The following RIMS2 variants were observed in gnomAD, a reference collection of about 807,000 sequenced individuals.
The protein encoded by RIMS2 is regulating synaptic membrane exocytosis 2.
A neutral mutation model predicts 174.4 loss-of-function variants in RIMS2; 59 were observed. The observed-to-expected ratio is 0.34, with a 90% confidence interval of 0.27 to 0.42. The LOEUF (loss-of-function observed/expected upper bound fraction) is 0.42, where lower values mean the gene tolerates loss of function less well. RIMS2 is among the 10% of genes least tolerant of loss of function. The pLI is 1.00. For synonymous variants in RIMS2, 606 were observed against 572.5 expected (o/e 1.06, Z -0.84); for missense variants, 1,620 against 1,666.3 (o/e 0.97, Z 0.48).
At chr8:103,709,581 C>T (rs1231013050) in intron 2 of RIMS2, among the ~76,000 whole-genome samples, 2 of 152,168 alleles carry the variant, frequency 1.3e-5, no homozygotes, top group Middle Eastern at 6.3e-3. Flanking sequence ...AGAGGAAAGA[C>T]TGAGTCTTTA....
At chr8:103,861,967 C>T (rs901247062) in intron 3 of RIMS2, among the ~76,000 whole-genome samples, 3 of 152,052 alleles carry the variant, frequency 2.0e-5, no homozygotes, top group Admixed American at 6.6e-5. Context: ...TTTTGCTGTG[C>T]AGCAGCTTTT....
chr8:103,822,769 GT>G (rs2098760603), intron 3 of RIMS2, among the ~76,000 whole-genome samples: 1 of 151,772 alleles, frequency 6.6e-6, no homozygotes, highest in Non-Finnish European at 1.5e-5. Flanking sequence ...TGCCACTTTA[GT>G]TTAATTTTTT....
At chr8:103,570,386 G>C (rs1006101967) in intron 1 of RIMS2, among the ~76,000 whole-genome samples, 1 of 152,086 alleles carries the variant, frequency 6.6e-6, no homozygotes, top group Non-Finnish European at 1.5e-5. Context: ...ATTATCAAAA[G>C]GCAATTTTTT....
At chr8:103,639,465 A>G (rs528312469) in intron 1 of RIMS2, among the ~76,000 whole-genome samples, 60 of 151,872 alleles carry the variant, frequency 4.0e-4, no homozygotes, top group Non-Finnish European at 6.8e-4. Flanking sequence ...TCCCTCTTTC[A>G]TTGACCAGTT....
intron 1 of RIMS2, among the ~76,000 whole-genome samples, chr8:103,523,503 G>A (rs1311217316): frequency 9.2e-5 from 14 of 152,128 alleles, no homozygotes; most frequent in Admixed American, 9.2e-4. Flanking sequence ...AGTTGAAAAT[G>A]GACCAGTAGG....
chr8:104,021,232 C>T (rs2096076298), intron 19 of RIMS2, among the ~76,000 whole-genome samples: 2 of 152,002 alleles, frequency 1.3e-5, no homozygotes, highest in African/African-American at 4.8e-5. Context: ...GTTTTTCTTA[C>T]TGCGAAGTAT....
At chr8:103,665,515 C>G (rs970391892) in intron 1 of RIMS2, among the ~76,000 whole-genome samples, 6 of 152,152 alleles carry the variant, frequency 3.9e-5, no homozygotes, top group African/African-American at 1.2e-4. Flanking sequence ...TGCTATGAGT[C>G]TAAAAAGAAT....
chr8:103,758,474 G>A (rs907825576), intron 2 of RIMS2, among the ~76,000 whole-genome samples: 2 of 152,172 alleles, frequency 1.3e-5, no homozygotes, highest in Admixed American at 1.3e-4. Context: ...TGTAGGTTGA[G>A]AAGATTTCCA....
intron 1 of RIMS2, among the ~76,000 whole-genome samples, chr8:103,587,190 G>T (rs558349202): frequency 1.9e-4 from 29 of 152,044 alleles, no homozygotes; most frequent in Non-Finnish European, 3.5e-4. Flanking sequence ...CCAATAACAA[G>T]TATGAGATCA....
intron 3 of RIMS2, among the ~76,000 whole-genome samples, chr8:103,856,608 T>TCATAGTTTATGCA (rs1312524374): frequency 6.6e-6 from 1 of 152,212 alleles, no homozygotes; most frequent in Admixed American, 6.5e-5. Context: ...TGGTGGCCTT[T>TCATAGTTTATGCA]CATAGTTTAT....
At chr8:104,172,760 T>A (rs2098839553) in intron 19 of RIMS2, among the ~76,000 whole-genome samples, 1 of 152,230 alleles carries the variant, frequency 6.6e-6, no homozygotes, top group Admixed American at 6.5e-5. Flanking sequence ...ATATTGAAGA[T>A]GTAGAAGAGG....
chr8:103,625,202 T>C (rs952609842), intron 1 of RIMS2, among the ~76,000 whole-genome samples: 15 of 152,110 alleles, frequency 9.9e-5, no homozygotes, highest in African/African-American at 3.6e-4. Flanking sequence ...TTATTATACT[T>C]TAAGTTCTAG....
At chr8:104,079,353 G>A (rs1053111061) in intron 19 of RIMS2, among the ~76,000 whole-genome samples, 7 of 151,700 alleles carry the variant, frequency 4.6e-5, no homozygotes, top group South Asian at 2.1e-4. Context: ...TCCTTTTACC[G>A]TCAGCAAAAT....
chr8:103,816,826 G>C (rs938763210), intron 3 of RIMS2, among the ~76,000 whole-genome samples: 2 of 152,154 alleles, frequency 1.3e-5, no homozygotes, highest in African/African-American at 4.8e-5. Flanking sequence ...TCTCATTCTA[G>C]TGTTTCCATT....
intron 1 of RIMS2, among the ~76,000 whole-genome samples, chr8:103,572,723 A>G (rs1163872405): frequency 6.6e-6 from 1 of 151,894 alleles, no homozygotes; most frequent in African/African-American, 2.4e-5. Flanking sequence ...ATATCTGTTT[A>G]TGCTCTTTGC....
chr8:104,076,632 G>T (rs182888299), intron 19 of RIMS2, among the ~76,000 whole-genome samples: 2 of 151,916 alleles, frequency 1.3e-5, no homozygotes, highest in Middle Eastern at 3.2e-3. Context: ...TAGTGATTAG[G>T]GTTAAATAAA....
intron 3 of RIMS2, among the ~76,000 whole-genome samples, chr8:103,776,317 G>A (rs184004309): frequency 2.0e-5 from 3 of 152,044 alleles, no homozygotes; most frequent in African/African-American, 7.2e-5. Context: ...TGGTGGTGGT[G>A]GTAGAAGTAT....
intron 19 of RIMS2, among the ~76,000 whole-genome samples, chr8:104,020,153 A>G (rs1167736909): frequency 1.3e-5 from 2 of 151,972 alleles, no homozygotes; most frequent in East Asian, 3.9e-4. Context: ...GTGTTCATTA[A>G]TACAGAGTGT....
chr8:103,933,744 G>T (rs2080559762), intron 12 of RIMS2, among the ~76,000 whole-genome samples: 1 of 152,120 alleles, frequency 6.6e-6, no homozygotes, highest in Non-Finnish European at 1.5e-5. Flanking sequence ...AGAATTCTCT[G>T]CCTAACTCAA....
Sources: gnomAD v4.1 joint callset for allele counts (sites outside exome capture counted in the v4.1 genomes callset) on GRCh38, gnomAD v4.1.1 for gene constraint, MANE v1.5 for transcripts, NCBI Gene and HGNC (gene_info 2026-07-23, HGNC 2026-07-21) for gene names.